NKAIN3: variants seen among roughly 807,000 people sequenced by gnomAD.
NKAIN3 encodes the protein sodium/potassium-transporting ATPase subunit beta-1-interacting protein 3.
In NKAIN3, 25 loss-of-function variants were observed where a neutral mutation model predicts 30.2. That is an observed-to-expected ratio of 0.83 (90% CI 0.60 to 1.16). NKAIN3 has a LOEUF of 1.16. Ranked by LOEUF, NKAIN3 falls within the 50% of genes most tolerant of loss-of-function variation. The pLI is 0.00. For missense variants in NKAIN3, 225 were observed against 254.1 expected (o/e 0.89, Z 0.78); for synonymous variants, 91 against 89.6 (o/e 1.02, Z -0.09).
intron 3 of NKAIN3, among the ~76,000 whole-genome samples, chr8:62,628,106 A>G (rs1811844605): frequency 6.6e-6 from 1 of 152,066 alleles, no homozygotes; most frequent in South Asian, 2.1e-4. Context: ...GACTTGGATT[A>G]TTACACTGCT....
intron 1 of NKAIN3, among the ~76,000 whole-genome samples, chr8:62,522,159 A>G (rs1011676737): frequency 6.6e-6 from 1 of 152,172 alleles, no homozygotes; most frequent in African/African-American, 2.4e-5. Context: ...CATATACTGC[A>G]TAATGACATT....
At chr8:62,701,868 AAAGCGCGAACTCCG>A (rs1169668804) in intron 3 of NKAIN3, among the ~76,000 whole-genome samples, 1 of 152,128 alleles carries the variant, frequency 6.6e-6, no homozygotes, top group Non-Finnish European at 1.5e-5. Context: ...CTGCAATTCC[AAAGCGCGAACTCCG>A]GGGGCTGAAG....
intron 4 of NKAIN3, among the ~76,000 whole-genome samples, chr8:62,766,017 C>T (rs191873708): frequency 6.6e-6 from 1 of 152,154 alleles, no homozygotes; most frequent in African/African-American, 2.4e-5. Context: ...TTCTTGCTTG[C>T]TTTATTTCCA....
intron 1 of NKAIN3, among the ~76,000 whole-genome samples, chr8:62,360,532 AAAGT>A (rs1293981111): frequency 2.1e-4 from 32 of 152,304 alleles, no homozygotes; most frequent in African/African-American, 6.5e-4. Flanking sequence ...TAATGAATTT[AAAGT>A]AAATTAGTTC....
chr8:62,760,630 G>T (rs1006910829), intron 4 of NKAIN3, among the ~76,000 whole-genome samples: 3 of 146,752 alleles, frequency 2.0e-5, no homozygotes, highest in Non-Finnish European at 4.5e-5. Flanking sequence ...CTGTTGTGGT[G>T]TGGGGGGAGG....
chr8:62,568,022 T>A (rs1043237994), intron 1 of NKAIN3, among the ~76,000 whole-genome samples: 12 of 152,182 alleles, frequency 7.9e-5, no homozygotes, highest in Non-Finnish European at 1.2e-4. Context: ...TTGACTAAGA[T>A]AGCACAGCTA....
chr8:62,395,055 A>G (rs1475464236), intron 1 of NKAIN3, among the ~76,000 whole-genome samples: 1 of 148,756 alleles, frequency 6.7e-6, no homozygotes, highest in Non-Finnish European at 1.5e-5. Flanking sequence ...CTCACTTCCC[A>G]GACGGTGGGT....
intron 1 of NKAIN3, among the ~76,000 whole-genome samples, chr8:62,366,241 T>C (rs1244254781): frequency 2.8e-5 from 3 of 109,028 alleles, no homozygotes; most frequent in Non-Finnish European, 4.0e-5. Flanking sequence ...TTTTTTTTTT[T>C]ATTGAGGTGG....
intron 1 of NKAIN3, among the ~76,000 whole-genome samples, chr8:62,515,670 G>T (rs1029388967): frequency 6.6e-6 from 1 of 152,030 alleles, no homozygotes; most frequent in Admixed American, 6.6e-5. Flanking sequence ...TTCCAGAAAC[G>T]CTACATTAAT....
intron 1 of NKAIN3, among the ~76,000 whole-genome samples, chr8:62,373,423 G>T (rs947252898): frequency 2.0e-5 from 3 of 152,122 alleles, no homozygotes; most frequent in African/African-American, 7.2e-5. Context: ...CAGAAATCCT[G>T]ACTACACACC....
chr8:62,961,800 A>C (rs996953358), intron 6 of NKAIN3, among the ~76,000 whole-genome samples: 8 of 152,248 alleles, frequency 5.3e-5, no homozygotes, highest in African/African-American at 1.9e-4. Flanking sequence ...GGAAAATGGA[A>C]TAGCACAAAT....
chr8:62,387,898 G>C (rs891790733), intron 1 of NKAIN3, among the ~76,000 whole-genome samples: 2 of 152,050 alleles, frequency 1.3e-5, no homozygotes, highest in Non-Finnish European at 2.9e-5. Context: ...TCTGCTTATG[G>C]CTTCTTGTTA....
chr8:62,739,651 G>C (rs372962653), intron 3 of NKAIN3, among the ~76,000 whole-genome samples: 1 of 152,226 alleles, frequency 6.6e-6, no homozygotes, highest in East Asian at 1.9e-4. Context: ...TAAATGGATG[G>C]ATAAGGCTTC....
chr8:62,322,132 A>G (rs959774854), intron 1 of NKAIN3, among the ~76,000 whole-genome samples: 6 of 152,202 alleles, frequency 3.9e-5, no homozygotes, highest in African/African-American at 1.4e-4. Context: ...CGAGCCAGGC[A>G]TAGGTTATCA....
intron 2 of NKAIN3, among the ~76,000 whole-genome samples, chr8:62,586,567 T>C (rs73255100): frequency 0.02 from 3,100 of 152,202 alleles, 117 homozygotes; most frequent in African/African-American, 0.071. Context: ...TAGCATATTG[T>C]ATATGATATT....
At chr8:62,964,337 T>C (rs1339439567) in intron 6 of NKAIN3, among the ~76,000 whole-genome samples, 1 of 152,178 alleles carries the variant, frequency 6.6e-6, no homozygotes. Flanking sequence ...GTATCATCTA[T>C]GTAGTAGGTA....
intron 3 of NKAIN3, among the ~76,000 whole-genome samples, chr8:62,727,369 G>T (rs1815292286): frequency 6.6e-6 from 1 of 151,926 alleles, no homozygotes; most frequent in South Asian, 2.1e-4. Flanking sequence ...ACAACAAAAG[G>T]AAACAAAAGA....
At chr8:62,496,651 T>C (rs1381984321) in intron 1 of NKAIN3, among the ~76,000 whole-genome samples, 1 of 152,110 alleles carries the variant, frequency 6.6e-6, no homozygotes, top group East Asian at 1.9e-4. Flanking sequence ...ACAGAGTTCA[T>C]GATTGAGATA....
At chr8:62,544,855 G>A (rs1175663184) in intron 1 of NKAIN3, among the ~76,000 whole-genome samples, 1 of 152,064 alleles carries the variant, frequency 6.6e-6, no homozygotes, top group East Asian at 1.9e-4. Flanking sequence ...CAATGAAATA[G>A]TCATTTAACA....
Sources: allele counts gnomAD v4.1 joint callset (sites outside exome capture counted in the v4.1 genomes callset), GRCh38; gene constraint gnomAD v4.1.1; transcripts MANE v1.5; gene names NCBI Gene and HGNC (gene_info 2026-07-23, HGNC 2026-07-21).